CCDC192: variants seen among roughly 807,000 people sequenced by gnomAD.
The protein encoded by CCDC192 is coiled-coil domain containing 192, also known as coiled-coil domain-containing protein 192.
rs369628789 is a variant in CCDC192, at chr5:127,766,740, T to C, written c.222+12365T>C. Among the ~76,000 whole-genome samples the C allele has an allele frequency of 6.6e-5, 10 of 152,196 alleles. No homozygotes were observed. The East Asian group carries it at 1.7e-3, about 26-fold the overall frequency. ...TGCTGCTTCATCCTGCCACTTTGAG[T>C]GTGTGGTGTCCTTGTCCACCCCCAC... On this transcript the variant is annotated intron_variant, in intron 3 of 6. Coordinates refer to ENST00000514853, the MANE Select transcript of CCDC192 (RefSeq NM_001317938.2).
chr5:127,861,024 T>G (rs972742031), intron 5 of CCDC192, among the ~76,000 whole-genome samples: 26 of 152,158 alleles, frequency 1.7e-4, no homozygotes, highest in African/African-American at 5.5e-4. Context: ...TTTCTTTTTT[T>G]GTGGACAGAG....
At chr5:127,712,495 G>A (rs1751394905) in intron 2 of CCDC192, among the ~76,000 whole-genome samples, 1 of 152,154 alleles carries the variant, frequency 6.6e-6, no homozygotes, top group South Asian at 2.1e-4. Flanking sequence ...CACCATTAGT[G>A]GAAGCAGTCT....
intron 2 of CCDC192, among the ~76,000 whole-genome samples, chr5:127,747,627 T>G (rs975295543): frequency 6.6e-6 from 1 of 152,100 alleles, no homozygotes; most frequent in African/African-American, 2.4e-5. Context: ...TACCCAGTAA[T>G]GGGATGGCTG....
chr5:127,774,389 C>A lies in CCDC192; in HGVS notation c.222+20014C>A, dbSNP rs193015435. The stretch of plus-strand genomic sequence containing the variant: ...TTAACAGATTTACAGTTTGTGCTTA[C>A]ATATTTAGGTCGTTGATCTAGTTTA... On this transcript the variant is annotated intron_variant, in intron 3 of 6. Transcript: ENST00000514853. 1.7e-4 allele frequency among the ~76,000 whole-genome samples: 26 copies of A among 152,212 alleles called. No individual in the cohort carries two copies. The East Asian group carries it at 4.8e-3, about 28-fold the overall frequency.
intron 2 of CCDC192, among the ~76,000 whole-genome samples, chr5:127,742,831 A>G (rs1753498719): frequency 6.6e-6 from 1 of 152,204 alleles, no homozygotes; most frequent in Admixed American, 6.5e-5. Context: ...TGAAAAATTC[A>G]CAATGTTCTC....
intron 5 of CCDC192, among the ~76,000 whole-genome samples, chr5:127,811,260 A>T (rs1307207084): frequency 6.6e-6 from 1 of 152,020 alleles, no homozygotes; most frequent in East Asian, 1.9e-4. Context: ...TTGTTGGGGC[A>T]TTTTCAGGTT....
intron 5 of CCDC192, among the ~76,000 whole-genome samples, chr5:127,807,256 G>C (rs1267312172): frequency 6.6e-6 from 1 of 152,096 alleles, no homozygotes; most frequent in Non-Finnish European, 1.5e-5. Context: ...ATAATTCTAT[G>C]GAATAAGGCA....
intron 5 of CCDC192, among the ~76,000 whole-genome samples, chr5:127,861,576 A>C (rs1042533991): frequency 7.9e-5 from 12 of 151,946 alleles, no homozygotes; most frequent in Non-Finnish European, 4.4e-5. Flanking sequence ...AATTTCTTGA[A>C]CCTGAGAGGT....
chr5:127,854,191 T>G (rs985308072), intron 5 of CCDC192, among the ~76,000 whole-genome samples: 1 of 152,196 alleles, frequency 6.6e-6, no homozygotes, highest in Non-Finnish European at 1.5e-5. Context: ...GATCCTTCAT[T>G]AAATCCTTGA....
intron 6 of CCDC192, among the ~76,000 whole-genome samples, chr5:127,882,104 T>C (rs1011606991): frequency 1.3e-5 from 2 of 152,202 alleles, no homozygotes; most frequent in Non-Finnish European, 2.9e-5. Flanking sequence ...CCTCAGGTAG[T>C]GCTGGTACAT....
chr5:127,722,070 C>A (rs1752058720), intron 2 of CCDC192, among the ~76,000 whole-genome samples: 1 of 152,206 alleles, frequency 6.6e-6, no homozygotes, highest in Non-Finnish European at 1.5e-5. Context: ...TACTAATTTA[C>A]ATTTCCACCA....
chr5:127,847,048 G>A (rs147167904), intron 5 of CCDC192, among the ~76,000 whole-genome samples: 1 of 152,098 alleles, frequency 6.6e-6, no homozygotes, highest in African/African-American at 2.4e-5. Context: ...ATTTCCAAAT[G>A]TCCATCCAAT....
chr5:127,895,874 A>G (rs1027339576), intron 6 of CCDC192, among the ~76,000 whole-genome samples: 1 of 152,086 alleles, frequency 6.6e-6, no homozygotes, highest in Non-Finnish European at 1.5e-5. Flanking sequence ...TCAGACAAAA[A>G]TATTACTGAT....
intron 3 of CCDC192, chr5:127,787,103 C>A: frequency 4.1e-6 from 1 of 241,818 alleles, no homozygotes; most frequent in Non-Finnish European, 8.5e-6. Flanking sequence ...AGCTAGTTCT[C>A]CATTAGATAA....
chr5:127,935,837 G>A (rs2126326203), intron 6 of CCDC192, among the ~76,000 whole-genome samples: 1 of 152,312 alleles, frequency 6.6e-6, no homozygotes, highest in Admixed American at 6.5e-5. Context: ...AGGCACGGTG[G>A]CTCATACCTG....
intron 5 of CCDC192, among the ~76,000 whole-genome samples, chr5:127,834,883 A>C (rs1406150074): frequency 6.6e-6 from 1 of 152,212 alleles, no homozygotes; most frequent in Admixed American, 6.5e-5. Flanking sequence ...CAAATGGGCC[A>C]GTGTGTATAT....
intron 6 of CCDC192, among the ~76,000 whole-genome samples, chr5:127,930,345 T>C (rs758834027): frequency 7.2e-5 from 11 of 152,254 alleles, no homozygotes; most frequent in Non-Finnish European, 1.5e-4. Context: ...ATAGAAGCAG[T>C]GCTTCATCTA....
At chr5:127,865,151 TA>T (rs1429035195) in intron 5 of CCDC192, among the ~76,000 whole-genome samples, 1 of 151,760 alleles carries the variant, frequency 6.6e-6, no homozygotes, top group Non-Finnish European at 1.5e-5. Flanking sequence ...CGACTCAAAT[TA>T]AAAAAATAAA....
In CCDC192 at chr5:127,829,636, A is replaced by C. The variant is rs569720920; in HGVS notation, c.411+31474A>C. ...AGTTCCAATCTCATAAAATATTTGCAAAGAAAATTAGATGCATGAAGAAGT... is the reference window on the plus strand; with the variant it reads ...AGTTCCAATCTCATAAAATATTTGCCAAGAAAATTAGATGCATGAAGAAGT... On this transcript the variant is annotated intron_variant, in intron 5 of 6. Transcript: ENST00000514853. 5.3e-5 allele frequency among the ~76,000 whole-genome samples: 8 copies of C among 152,358 alleles called. No homozygotes were observed. The South Asian group carries it at 1.7e-3, about 32-fold the overall frequency.
Sources: gnomAD v4.1 joint callset for allele counts (sites outside exome capture counted in the v4.1 genomes callset) on GRCh38, gnomAD v4.1.1 for gene constraint, MANE v1.5 for transcripts, NCBI Gene and HGNC (gene_info 2026-07-23, HGNC 2026-07-21) for gene names.